The following BIRC3 variants were observed in gnomAD, a reference collection of about 807,000 sequenced individuals.
BIRC3 encodes baculoviral IAP repeat-containing protein 3.
BIRC3 carries 26 observed loss-of-function variants against 59.0 expected under a neutral mutation model. The observed-to-expected ratio is 0.44, with a 90% CI of 0.32 to 0.61. BIRC3 has a LOEUF of 0.61. BIRC3 is among the 20% of genes least tolerant of loss of function. The pLI is 0.04. For missense variants in BIRC3, 641 were observed against 711.5 expected (o/e 0.90, Z 1.13); for synonymous variants, 243 against 249.2 (o/e 0.98, Z 0.24).
At chr11:102,321,231 G>T (rs945593340) in intron 1 of BIRC3, among the ~76,000 whole-genome samples, 1 of 152,084 alleles carries the variant, frequency 6.6e-6, no homozygotes, top group Non-Finnish European at 1.5e-5. Flanking sequence ...TATTATTTTT[G>T]TAAGCTTTCT....
intron 4 of BIRC3, 68 bp downstream of exon 4, chr11:102,328,198 G>A (rs1479876046): frequency 2.5e-6 from 3 of 1,179,000 alleles, no homozygotes; most frequent in Admixed American, 2.1e-5. Flanking sequence ...ATTACAGAGA[G>A]TGCTATTTGA....
rs924180265 is a variant in BIRC3, at chr11:102,337,246, G to C, written c.*144G>C. 1.8e-6 allele frequency: 1 copy of C among 567,926 alleles called. No individual in the cohort carries two copies. 35.2% of individuals were successfully genotyped at this position (567,926 alleles called of 1,614,324 possible). On this transcript the variant is annotated 3_prime_UTR_variant, in exon 9 of 9. Coordinates refer to ENST00000263464, the MANE Select transcript of BIRC3 (RefSeq NM_001165.5). ...TGTTTTGTGTAACATATTTATATAT[G>C]TATCTAAACCATATGAACATATATT...
intron 6 of BIRC3, among the ~76,000 whole-genome samples, chr11:102,335,021 A>C (rs1228797585): frequency 6.6e-6 from 1 of 152,162 alleles, no homozygotes; most frequent in African/African-American, 2.4e-5. Flanking sequence ...TGGGCGGATC[A>C]CTCGAGGCCA....
At chr11:102,331,620 G>T (rs1951139842) in intron 6 of BIRC3, among the ~76,000 whole-genome samples, 1 of 151,790 alleles carries the variant, frequency 6.6e-6, no homozygotes, top group Non-Finnish European at 1.5e-5. Context: ...ACTCCCCTTT[G>T]GAGTAAATCA....
chr11:102,321,219 A>G (rs1951027722), intron 1 of BIRC3, among the ~76,000 whole-genome samples: 1 of 152,226 alleles, frequency 6.6e-6, no homozygotes, highest in African/African-American at 2.4e-5. Flanking sequence ...GTATGCAGAA[A>G]CTATTATTTT....
At chr11:102,325,393 AT>A (rs748964819) in intron 2 of BIRC3, 31 bp downstream of exon 2, 18 of 1,582,070 alleles carry the variant, frequency 1.1e-5, no homozygotes, top group East Asian at 2.2e-5. Flanking sequence ...ATTAAAAAAA[AT>A]ATATTTCATT....
intron 1 of BIRC3, among the ~76,000 whole-genome samples, chr11:102,321,027 T>C (rs1396472594): frequency 6.6e-6 from 1 of 152,236 alleles, no homozygotes; most frequent in Non-Finnish European, 1.5e-5. Context: ...TTTAAACATG[T>C]TGGCAATTAA....
intron 7 of BIRC3, 55 bp downstream of exon 7, chr11:102,336,275 C>A: frequency 1.3e-6 from 2 of 1,494,038 alleles, no homozygotes; most frequent in Non-Finnish European, 9.0e-7. Context: ...AAAATACGCT[C>A]TTATTAATAA....
chr11:102,337,763 G>T lies in BIRC3; in HGVS notation c.*661G>T, dbSNP rs1272319487. The stretch of plus-strand genomic sequence containing the variant: ...TTCATTGCTTTATTTCAATGACATT[G>T]GATAGTTTAGTCACTCCCAGACTCT... On this transcript the variant is annotated 3_prime_UTR_variant, in exon 9 of 9. Transcript: ENST00000263464. 3 of 239,838 alleles carry T rather than the reference G, an allele frequency of 1.3e-5. No homozygotes were observed. Among genetic ancestry groups the T allele is most frequent in the African/African-American group, 6.6e-5 (3 of 45,620 alleles). 14.9% of individuals were successfully genotyped at this position (239,838 alleles called of 1,614,324 possible). A position where few individuals can be genotyped will look rare whatever the true frequency, so the allele number is the denominator to read the frequency against.
rs1951067304 is a variant in BIRC3, at chr11:102,324,991, C to T, written c.482C>T (p.Ser161Phe). ...NQDFSALMRS[S>F]YHCAMNNENA... ...GATTTTTCTGCCTTGATGAGAAGTT[C>T]CTACCACTGTGCAATGAATAACGAA... Residue 161 changes from serine (S) to phenylalanine (F), a missense_variant, in exon 2 of 9, where the codon TCC becomes TTC. This residue lies in a region of BIRC3 where 329 missense variants were observed against 365.6 expected (regional missense o/e 0.90). Transcript: ENST00000263464. 3 of 1,614,192 alleles carry T rather than the reference C, an allele frequency of 1.9e-6. No individual in the cohort carries two copies. Among genetic ancestry groups the T allele is most frequent in the South Asian group, 1.1e-5 (1 of 91,084 alleles).
rs17879707 is a variant in BIRC3 at position 102,322,907 on chromosome 11, T to A, written c.-1603T>A. The A allele has an allele frequency of 1.8e-3, 368 of 208,310 alleles. 2 individuals are homozygous for A. The highest frequency in any genetic ancestry group is 7.9e-3 in the African/African-American group (346 of 44,042). 12.9% of individuals were successfully genotyped at this position (208,310 alleles called of 1,614,324 possible). Reference sequence around the variant, plus strand: ...TGAGAAATTCTGAATTTTGACAAGGTCTCTGCTGTTGAAATGGTAAATTTA... The same window carrying A: ...TGAGAAATTCTGAATTTTGACAAGGACTCTGCTGTTGAAATGGTAAATTTA... On this transcript the variant is annotated 5_prime_UTR_variant, in exon 2 of 9. Coordinates refer to ENST00000263464, the MANE Select transcript of BIRC3 (RefSeq NM_001165.5).
At chr11:102,336,633 T>C in intron 7 of BIRC3, 127 bp from the exon 8 acceptor site, 1 of 890,704 alleles carries the variant, frequency 1.1e-6, no homozygotes, top group Non-Finnish European at 1.7e-6. Context: ...CATAAAAAGA[T>C]TAAAGACTTC....
intron 3 of BIRC3, among the ~76,000 whole-genome samples, chr11:102,327,803 A>G (rs1951099823): frequency 6.6e-6 from 1 of 152,190 alleles, no homozygotes; most frequent in South Asian, 2.1e-4. Flanking sequence ...TAGGATAACT[A>G]TGGGTTAGTT....
At position 102,330,985 on chromosome 11, in the gene BIRC3, T is replaced by C; in HGVS notation, c.1082-14T>C. The C allele has an allele frequency of 6.3e-7, 1 of 1,588,586 alleles. No homozygotes were observed. The highest frequency in any genetic ancestry group is 8.5e-7 in the Non-Finnish European group (1 of 1,170,754). On this transcript the variant is annotated splice_polypyrimidine_tract_variant and intron_variant, in intron 5 of 8. Coordinates refer to ENST00000263464, the MANE Select transcript of BIRC3 (RefSeq NM_001165.5). ...GGCTATCCTAATATGTGTTAAATTC[T>C]TTGTTCCATATAGTTATCCATTTTG...
chr11:102,328,248 T>G, intron 4 of BIRC3, 118 bp downstream of exon 4: 1 of 784,954 alleles, frequency 1.3e-6, no homozygotes, highest in East Asian at 2.7e-5. Flanking sequence ...CATTTTCTTT[T>G]TCTTATCAAA....
chr11:102,336,516 C>A (rs1371249236), intron 7 of BIRC3: 3 of 568,440 alleles, frequency 5.3e-6, no homozygotes, highest in African/African-American at 3.8e-5. Flanking sequence ...ATGGCTTAAG[C>A]CTGAGAGATA....
Position 102,338,288 on chromosome 11 carries a change from T to TA in BIRC3, c.*1189dup, listed in dbSNP as rs1206407400. The TA allele has an allele frequency of 8.8e-6, 2 of 228,498 alleles. No individual in the cohort carries two copies. The highest frequency in any genetic ancestry group is 4.4e-5 in the African/African-American group (2 of 45,126). The allele number at this position is 228,498 out of a possible 1,614,324, so 14.2% of individuals were successfully genotyped here. A position where few individuals can be genotyped will look rare whatever the true frequency, so the allele number is the denominator to read the frequency against. On this transcript the variant is annotated 3_prime_UTR_variant, in exon 9 of 9. Coordinates refer to ENST00000263464, the MANE Select transcript of BIRC3 (RefSeq NM_001165.5). ...GGAAGGCAGGCAAAGGCTAGTCATC[T>TA]AAACCAGTTCTAGATGTCTGTATAG...
At chr11:102,327,037 T>C (rs1951090109) in intron 3 of BIRC3, among the ~76,000 whole-genome samples, 1 of 152,152 alleles carries the variant, frequency 6.6e-6, no homozygotes, top group African/African-American at 2.4e-5. Context: ...AGAGATGGTC[T>C]TACTTGACCT....
intron 1 of BIRC3, among the ~76,000 whole-genome samples, chr11:102,318,447 C>G (rs2135779865): frequency 6.6e-6 from 1 of 152,346 alleles, no homozygotes; most frequent in East Asian, 1.9e-4. Context: ...CAGTCATTTA[C>G]TTCTTCAACG....
Sources: allele counts gnomAD v4.1 joint callset (sites outside exome capture counted in the v4.1 genomes callset), GRCh38; gene constraint gnomAD v4.1.1; regional missense constraint gnomAD v4.1.1; transcripts MANE v1.5; gene names NCBI Gene and HGNC (gene_info 2026-07-23, HGNC 2026-07-21).